RPS6KA2: variants seen among roughly 807,000 people sequenced by gnomAD.
RPS6KA2 encodes the protein ribosomal protein S6 kinase A2.
Under a neutral mutation model 91.8 loss-of-function variants are expected in RPS6KA2, and 42 were observed. The observed-to-expected ratio is 0.46, with a 90% CI of 0.36 to 0.59. The LOEUF (loss-of-function observed/expected upper bound fraction) is 0.59. Ranked by LOEUF, RPS6KA2 falls within the 20% of genes least tolerant of loss-of-function variation. RPS6KA2 has a pLI of 0.00. For missense variants in RPS6KA2, 798 were observed against 978.5 expected (o/e 0.82, Z 2.46); for synonymous variants, 414 against 393.6 (o/e 1.05, Z -0.61).
Position 166,726,846 on chromosome 6 carries a change from A to G in RPS6KA2, c.123+131354T>C, listed in dbSNP as rs1197172910. ...ACCAGGGAGGTGACGGGTCTCAGGGAGTGTGTCTGGCGGGTGGGGAGGAAT... is the reference window on the plus strand; with the variant it reads ...ACCAGGGAGGTGACGGGTCTCAGGGGGTGTGTCTGGCGGGTGGGGAGGAAT... On this transcript the variant is annotated intron_variant, in intron 2 of 21. Coordinates refer to the RPS6KA2 transcript ENST00000503859. The surrounding 1 kb of genome is among the most constrained non-coding windows in gnomAD (Gnocchi z 4.4). Among the ~76,000 whole-genome samples, 2 of 152,178 alleles carry G rather than the reference A, an allele frequency of 1.3e-5. No homozygotes were observed. The highest frequency in any genetic ancestry group is 3.8e-4 in the East Asian group (2 of 5,204).
intron 2 of RPS6KA2, among the ~76,000 whole-genome samples, chr6:166,694,041 T>C (rs1352851754): frequency 1.3e-5 from 2 of 152,234 alleles, no homozygotes; most frequent in Admixed American, 6.5e-5. Flanking sequence ...ACATTGCAGC[T>C]CATCAGGAAT....
At chr6:166,738,218 CAGAA>C (rs1790722101) in intron 2 of RPS6KA2, among the ~76,000 whole-genome samples, 1 of 152,114 alleles carries the variant, frequency 6.6e-6, no homozygotes, top group Non-Finnish European at 1.5e-5. Flanking sequence ...AATAAAATGA[CAGAA>C]AGAGTAATTA....
rs942096363 is a variant in RPS6KA2, at chr6:166,817,768, G to A, written c.123+40432C>T. ...GATGGAGTCTCGCTCTGTCACCCAG[G>A]CTGGAGTGCAGTGGTGCGATCTTGG... On this transcript the variant is annotated intron_variant, in intron 2 of 21. Coordinates refer to the RPS6KA2 transcript ENST00000503859. Among the ~76,000 whole-genome samples, 3 of 151,172 alleles carry A rather than the reference G, an allele frequency of 2.0e-5. No homozygotes were observed. In the South Asian group the frequency reaches 6.3e-4, roughly 32 times the overall value.
chr6:166,790,852 T>G (rs1412706513), intron 2 of RPS6KA2, among the ~76,000 whole-genome samples: 1 of 151,804 alleles, frequency 6.6e-6, no homozygotes, highest in African/African-American at 2.4e-5. Context: ...CTAAAAGAGC[T>G]CCTGAAGGAA....
At chr6:166,722,349 A>G (rs2128585078) in intron 2 of RPS6KA2, among the ~76,000 whole-genome samples, 2 of 152,364 alleles carry the variant, frequency 1.3e-5, no homozygotes, top group East Asian at 3.9e-4. Flanking sequence ...CGGGTCAGAC[A>G]CTCAACAAAG....
intron 2 of RPS6KA2, among the ~76,000 whole-genome samples, chr6:166,764,150 T>TG (rs1307637916): frequency 7.9e-5 from 12 of 152,022 alleles, no homozygotes; most frequent in African/African-American, 2.9e-4. Context: ...CCACTCCCAC[T>TG]GGGGAGGGCG....
chr6:166,669,575 T>C (rs1788415715), intron 2 of RPS6KA2, among the ~76,000 whole-genome samples: 1 of 152,188 alleles, frequency 6.6e-6, no homozygotes, highest in African/African-American at 2.4e-5. Context: ...CCAGCACCGT[T>C]GGCTGCAAGA....
intron 3 of RPS6KA2, among the ~76,000 whole-genome samples, chr6:166,511,183 G>A (rs13195698): frequency 0.21 from 32,234 of 152,050 alleles, 4,079 homozygotes; most frequent in South Asian, 0.34. Flanking sequence ...CATGGAAAAG[G>A]TCTTCATGTC....
At chr6:166,504,699 TGA>T in intron 5 of RPS6KA2, 87 bp from the exon 6 acceptor site, 1 of 923,520 alleles carries the variant, frequency 1.1e-6, no homozygotes, top group Admixed American at 2.2e-5. Flanking sequence ...CCAGAGAGAC[TGA>T]GAGTCCACAC....
At chr6:166,728,234 G>A (rs1199211449) in intron 2 of RPS6KA2, among the ~76,000 whole-genome samples, 9 of 152,148 alleles carry the variant, frequency 5.9e-5, no homozygotes, top group South Asian at 4.1e-4. Context: ...TCATCTGTAC[G>A]AATGGGGCGG....
intron 14 of RPS6KA2, among the ~76,000 whole-genome samples, chr6:166,443,104 TA>T (rs1779571184): frequency 6.6e-6 from 1 of 152,182 alleles, no homozygotes; most frequent in Non-Finnish European, 1.5e-5. Flanking sequence ...TATACTGTAT[TA>T]AGAATACAGT....
intron 2 of RPS6KA2, among the ~76,000 whole-genome samples, chr6:166,759,385 G>A (rs767307038): frequency 2.0e-5 from 3 of 152,140 alleles, no homozygotes; most frequent in African/African-American, 4.8e-5. Flanking sequence ...AATAGAGCAC[G>A]GTTTGTTCAC....
Position 166,418,115 on chromosome 6 carries a change from G to T in RPS6KA2, c.1938+110C>A. 2.7e-6 allele frequency: 2 copies of T among 744,470 alleles called. No homozygotes were observed. Among genetic ancestry groups the T allele is most frequent in the Non-Finnish European group, 4.5e-6 (2 of 441,642 alleles). The allele number at this position is 744,470 out of a possible 1,614,324, so 46.1% of individuals were successfully genotyped here. A position where few individuals can be genotyped will look rare whatever the true frequency, so the allele number is the denominator to read the frequency against. On this transcript the variant is annotated intron_variant, in intron 19 of 20. Coordinates refer to ENST00000265678, the MANE Select transcript of RPS6KA2 (RefSeq NM_021135.6). This position sits in a 1 kb window ranked among gnomAD's most constrained non-coding sequence, Gnocchi z 4.9. ...AAGAAAAAAAAAAAAATATGCTGAG[G>T]ATAAAATACCTATACTACTTACATA...
intron 2 of RPS6KA2, among the ~76,000 whole-genome samples, chr6:166,633,234 C>T (rs917460250): frequency 6.6e-6 from 1 of 152,032 alleles, no homozygotes; most frequent in Non-Finnish European, 1.5e-5. Flanking sequence ...ACACCAAAAA[C>T]CAAAAAACAA....
At chr6:166,472,570 C>G (rs1780811528) in intron 10 of RPS6KA2, among the ~76,000 whole-genome samples, 1 of 152,150 alleles carries the variant, frequency 6.6e-6, no homozygotes, top group African/African-American at 2.4e-5. Flanking sequence ...AAACATGAAA[C>G]AGGAGGAGGA....
At chr6:166,822,087 C>T (rs926115376) in intron 2 of RPS6KA2, among the ~76,000 whole-genome samples, 1 of 152,180 alleles carries the variant, frequency 6.6e-6, no homozygotes, top group Non-Finnish European at 1.5e-5. Context: ...TGGCCTCCTG[C>T]TCCTCCCCCC....
At chr6:166,478,733 G>T (rs999502129) in intron 10 of RPS6KA2, among the ~76,000 whole-genome samples, 10 of 152,172 alleles carry the variant, frequency 6.6e-5, no homozygotes, top group African/African-American at 1.4e-4. Context: ...GAGGCCGGGG[G>T]GTTGGACACC....
chr6:166,739,624 G>C (rs1490133033), intron 2 of RPS6KA2, among the ~76,000 whole-genome samples: 4 of 152,218 alleles, frequency 2.6e-5, no homozygotes, highest in Non-Finnish European at 5.9e-5. Context: ...GTGTGATTCA[G>C]GAATATCAGG....
intron 10 of RPS6KA2, among the ~76,000 whole-genome samples, chr6:166,472,114 C>A (rs1048461723): frequency 1.3e-5 from 2 of 152,186 alleles, no homozygotes; most frequent in African/African-American, 2.4e-5. Flanking sequence ...CTGAAGTGTG[C>A]CTCTCCTCTA....
Sources: allele counts gnomAD v4.1 joint callset (sites outside exome capture counted in the v4.1 genomes callset), GRCh38; gene constraint gnomAD v4.1.1; non-coding constraint Gnocchi (gnomAD v3.1); transcripts MANE v1.5; gene names NCBI Gene and HGNC (gene_info 2026-07-23, HGNC 2026-07-21).